The following DPF3 variants were observed in gnomAD, a reference collection of about 807,000 sequenced individuals.
DPF3 encodes zinc finger protein DPF3.
In DPF3, 18 loss-of-function variants were observed where a neutral mutation model predicts 56.8. That is an observed-to-expected ratio of 0.32 (90% CI 0.22 to 0.47). The LOEUF (loss-of-function observed/expected upper bound fraction) is 0.47. DPF3 is among the 20% of genes least tolerant of loss of function. The pLI is 1.00. For missense variants in DPF3, 403 were observed against 488.8 expected, an observed-to-expected ratio of 0.82 and a Z score of 1.65; for synonymous variants, 188 against 180.2, an observed-to-expected ratio of 1.04 and a Z score of -0.35.
intron 5 of DPF3, among the ~76,000 whole-genome samples, chr14:72,720,044 T>G (rs1889100949): frequency 6.6e-6 from 1 of 151,800 alleles, no homozygotes; most frequent in African/African-American, 2.4e-5. Flanking sequence ...AGTCTGGGCT[T>G]CTGCATTCCT....
intron 1 of DPF3, among the ~76,000 whole-genome samples, chr14:72,786,339 G>A (rs1599440320): frequency 6.6e-6 from 1 of 152,160 alleles, no homozygotes; most frequent in South Asian, 2.1e-4. Context: ...GCAGAGCTGG[G>A]ATCAGATCCT....
intron 6 of DPF3, among the ~76,000 whole-genome samples, chr14:72,703,166 C>G (rs888572739): frequency 2.0e-5 from 3 of 152,158 alleles, no homozygotes; most frequent in African/African-American, 7.2e-5. Context: ...CCACCTCCCC[C>G]CACCCCACCC....
intron 1 of DPF3, among the ~76,000 whole-genome samples, chr14:72,801,143 C>T (rs565056137): frequency 2.6e-5 from 4 of 152,336 alleles, no homozygotes; most frequent in East Asian, 3.9e-4. Context: ...AAGGCAGTCT[C>T]GCTCAATCCC....
In DPF3 at chr14:72,731,798, T is replaced by C. The variant is rs6574094; in HGVS notation, c.429+9A>G. 1,538,760 of 1,613,108 alleles carry C rather than the reference T, an allele frequency of 0.95. 734,863 individuals carry two copies. Among genetic ancestry groups the C allele is most frequent in the East Asian group, 1 (44,843 of 44,852 alleles). On this transcript the variant is annotated intron_variant, in intron 4 of 10. Transcript: ENST00000556509. ...CACTCTGTGGGGTCCCCAGCAGGTG[T>C]GGGAATACCTGTATTTCCTGGATGC...
intron 8 of DPF3, among the ~76,000 whole-genome samples, chr14:72,658,536 A>C (rs546432991): frequency 1.3e-5 from 2 of 152,340 alleles, no homozygotes; most frequent in African/African-American, 4.8e-5. Flanking sequence ...ATTTTTTAAA[A>C]AATCTCTAAA....
chr14:72,823,355 G>A (rs1883638110), intron 1 of DPF3, among the ~76,000 whole-genome samples: 2 of 152,298 alleles, frequency 1.3e-5, no homozygotes, highest in South Asian at 2.1e-4. Context: ...AAAAGGCTAC[G>A]AGGGAGGAAC....
chr14:72,892,544 A>C, intron 1 of DPF3: 1 of 1,382,232 alleles, frequency 7.2e-7, no homozygotes, highest in Non-Finnish European at 9.3e-7. Context: ...TGGCGCAAAC[A>C]CGTCCGATTC....
chr14:72,757,539 T>C (rs893307909), intron 2 of DPF3, among the ~76,000 whole-genome samples: 41 of 151,710 alleles, frequency 2.7e-4, no homozygotes, highest in African/African-American at 9.5e-4. Flanking sequence ...GGAATAAGAG[T>C]TGTAGGAAAG....
chr14:72,637,984 C>G (rs942264087), intron 8 of DPF3, among the ~76,000 whole-genome samples: 1 of 152,080 alleles, frequency 6.6e-6, no homozygotes, highest in East Asian at 1.9e-4. Context: ...TACCACCCAC[C>G]GCCATGCAAT....
At chr14:72,684,338 C>A (rs1256727196) in intron 7 of DPF3, among the ~76,000 whole-genome samples, 2 of 152,092 alleles carry the variant, frequency 1.3e-5, no homozygotes, top group African/African-American at 4.8e-5. Context: ...TGAGCCACAG[C>A]CTGCTTTAGA....
intron 6 of DPF3, among the ~76,000 whole-genome samples, chr14:72,703,569 G>A (rs1888273336): frequency 6.6e-6 from 1 of 152,190 alleles, no homozygotes; most frequent in African/African-American, 2.4e-5. Flanking sequence ...TTCCTGCCCT[G>A]CTGAGAAGCC....
At chr14:72,849,770 T>A (rs1357711250) in intron 1 of DPF3, among the ~76,000 whole-genome samples, 1 of 152,166 alleles carries the variant, frequency 6.6e-6, no homozygotes, top group Non-Finnish European at 1.5e-5. Context: ...GTGAGCCAAA[T>A]ACGGCCCCTG....
At chr14:72,869,994 C>A (rs887250011) in intron 1 of DPF3, among the ~76,000 whole-genome samples, 1 of 152,058 alleles carries the variant, frequency 6.6e-6, no homozygotes, top group Non-Finnish European at 1.5e-5. Context: ...TCAAGGGATG[C>A]AAAATAGGCT....
At chr14:72,641,515 G>T (rs904614971) in intron 8 of DPF3, among the ~76,000 whole-genome samples, 1 of 152,200 alleles carries the variant, frequency 6.6e-6, no homozygotes, top group African/African-American at 2.4e-5. Flanking sequence ...CTAGGTGACT[G>T]AGCCTTGCCC....
intron 1 of DPF3, among the ~76,000 whole-genome samples, chr14:72,800,498 A>ATGGG (rs1892835792): frequency 3.3e-5 from 5 of 152,132 alleles, no homozygotes; most frequent in African/African-American, 1.2e-4. Context: ...GGATGGATGG[A>ATGGG]TGGATGCATG....
intron 2 of DPF3, among the ~76,000 whole-genome samples, chr14:72,759,508 A>AAGAGAG (rs34502740): frequency 4.1e-5 from 6 of 147,614 alleles, no homozygotes; most frequent in African/African-American, 1.5e-4. Flanking sequence ...GTCTCCACAA[A>AAGAGAG]AGAGAGAGAG....
At chr14:72,671,630 C>T (rs1886681567) in intron 8 of DPF3, 5 of 532,502 alleles carry the variant, frequency 9.4e-6, no homozygotes, top group Non-Finnish European at 1.8e-5. Context: ...GTTGTGCATA[C>T]ACACAGGCGC....
At chr14:72,758,196 C>T (rs1453256872) in intron 2 of DPF3, among the ~76,000 whole-genome samples, 3 of 151,942 alleles carry the variant, frequency 2.0e-5, no homozygotes, top group Non-Finnish European at 2.9e-5. Flanking sequence ...AGTATAAAGA[C>T]CAGATTTAGC....
chr14:72,816,695 A>T (rs1883304702), intron 1 of DPF3, among the ~76,000 whole-genome samples: 1 of 152,176 alleles, frequency 6.6e-6, no homozygotes, highest in African/African-American at 2.4e-5. Flanking sequence ...TTAAAATGCT[A>T]TGCAAATTAT....
Sources: allele counts gnomAD v4.1 joint callset (sites outside exome capture counted in the v4.1 genomes callset), GRCh38; gene constraint gnomAD v4.1.1; transcripts MANE v1.5; gene names NCBI Gene and HGNC (gene_info 2026-07-23, HGNC 2026-07-21).